The following LGI1 variants were observed in gnomAD, a reference collection of about 807,000 sequenced individuals.
LGI1 encodes leucine-rich glioma-inactivated protein 1.
In LGI1, 11 loss-of-function variants were observed where a neutral mutation model predicts 57.7. That is an observed-to-expected ratio of 0.19 (90% CI 0.12 to 0.32). LGI1 has a LOEUF of 0.32. LGI1 is among the 10% of genes least tolerant of loss of function. The pLI is 1.00. For synonymous variants in LGI1, 222 were observed against 241.9 expected (o/e 0.92, Z 0.76); for missense variants, 422 against 661.9 (o/e 0.64, Z 3.98).
rs886047485 is a variant in LGI1 at position 93,758,079 on chromosome 10, G to A, written c.-66G>A. On this transcript the variant is annotated 5_prime_UTR_variant, in exon 1 of 8. Transcript: ENST00000371418. The surrounding 1 kb of genome is among the most constrained non-coding windows in gnomAD (Gnocchi z 4.7). ...TGGACTCCTATGTGACCTGTTCTTA[G>A]AGCAAGACAATCACCATCTGAATTC... 1 of 1,447,876 alleles carries A rather than the reference G, an allele frequency of 6.9e-7. No individual in the cohort carries two copies. Among genetic ancestry groups the A allele is most frequent in the Non-Finnish European group, 9.7e-7 (1 of 1,033,352 alleles). 89.7% of individuals were successfully genotyped at this position (1,447,876 alleles called of 1,614,324 possible).
intron 4 of LGI1, chr10:93,789,292 A>G (rs2059916319): frequency 6.6e-6 from 1 of 152,240 alleles, no homozygotes; most frequent in Admixed American, 6.5e-5. Flanking sequence ...GCTAGAAAGG[A>G]AAAGGAGGCG....
intron 4 of LGI1, chr10:93,788,595 A>C (rs1231531868): frequency 2.6e-5 from 4 of 152,232 alleles, no homozygotes; most frequent in Non-Finnish European, 5.9e-5. Context: ...TCACTCCAAA[A>C]GCCATGCTCT....
Position 93,758,849 on chromosome 10 carries a change from C to T in LGI1, c.287+18C>T, listed in dbSNP as rs761232199. The T allele has an allele frequency of 3.9e-6, 6 of 1,557,984 alleles. No homozygotes were observed. The highest frequency in any genetic ancestry group is 5.3e-6 in the Non-Finnish European group (6 of 1,129,648). ...CAGCTCTTGTGAGAAATATTTATAT[C>T]ATGACTATTTTTAATATGGCATATA... On this transcript the variant is annotated intron_variant, in intron 2 of 7. Coordinates refer to ENST00000371418, the MANE Select transcript of LGI1 (RefSeq NM_005097.4). The surrounding 1 kb of genome is among the most constrained non-coding windows in gnomAD (Gnocchi z 4.7).
At chr10:93,781,406 T>C (rs1018036199) in intron 4 of LGI1, among the ~76,000 whole-genome samples, 3 of 151,784 alleles carry the variant, frequency 2.0e-5, no homozygotes, top group Non-Finnish European at 2.9e-5. Flanking sequence ...AAAGTTATTA[T>C]ATATACCTGG....
intron 7 of LGI1, chr10:93,793,826 ATGT>A (rs1447863193): frequency 3.1e-5 from 5 of 160,308 alleles, no homozygotes; most frequent in Non-Finnish European, 6.9e-5. Context: ...CAAAATGTTA[ATGT>A]ATGCCTTGTA....
At chr10:93,766,335 C>A (rs1366093253) in intron 2 of LGI1, among the ~76,000 whole-genome samples, 3 of 152,152 alleles carry the variant, frequency 2.0e-5, no homozygotes, top group Admixed American at 6.5e-5. Context: ...TAACTCTTGA[C>A]TTCACAGAGG....
rs970074671 is a variant in LGI1, at chr10:93,758,865, A to T, written c.287+34A>T. The T allele has an allele frequency of 1.1e-5, 15 of 1,416,824 alleles. No homozygotes were observed. The highest frequency in any genetic ancestry group is 1.5e-5 in the Non-Finnish European group (15 of 1,001,594). 87.8% of individuals were successfully genotyped at this position (1,416,824 alleles called of 1,614,324 possible). ...TATTTATATCATGACTATTTTTAAT[A>T]TGGCATATATTTGGATAAGCCTTCT... On this transcript the variant is annotated intron_variant, in intron 2 of 7. Transcript: ENST00000371418. The surrounding 1 kb of genome is among the most constrained non-coding windows in gnomAD (Gnocchi z 4.7).
chr10:93,758,067 G>T lies in LGI1; in HGVS notation c.-78G>T. ...AGAGGAAAAGGGTGGACTCCTATGT[G>T]ACCTGTTCTTAGAGCAAGACAATCA... is the stretch of plus-strand genomic sequence containing the variant. On this transcript the variant is annotated 5_prime_UTR_variant, in exon 1 of 8. It removes the in-frame stop codon of an upstream open reading frame in the 5' UTR. Coordinates refer to ENST00000371418, the MANE Select transcript of LGI1 (RefSeq NM_005097.4). This position sits in a 1 kb window ranked among gnomAD's most constrained non-coding sequence, Gnocchi z 4.7. 1.5e-6 allele frequency: 2 copies of T among 1,303,692 alleles called. No individual in the cohort carries two copies. Among genetic ancestry groups the T allele is most frequent in the South Asian group, 2.4e-5 (2 of 82,462 alleles). 80.8% of individuals were successfully genotyped at this position (1,303,692 alleles called of 1,614,324 possible). A position where few individuals can be genotyped will look rare whatever the true frequency, so the allele number is the denominator to read the frequency against.
chr10:93,766,715 G>C (rs2059683676), intron 2 of LGI1: 1 of 151,594 alleles, frequency 6.6e-6, no homozygotes, highest in Non-Finnish European at 1.5e-5. Flanking sequence ...CACCGTGTTA[G>C]CCAGGATGGT....
At chr10:93,783,347 G>C (rs2059865573) in intron 4 of LGI1, among the ~76,000 whole-genome samples, 1 of 152,196 alleles carries the variant, frequency 6.6e-6, no homozygotes, top group South Asian at 2.1e-4. Context: ...CTGCACTCCA[G>C]CTTGGGTGAC....
chr10:93,797,863 C>A lies in LGI1; in HGVS notation c.*60C>A, dbSNP rs905627593. On this transcript the variant is annotated 3_prime_UTR_variant, in exon 8 of 8. Coordinates refer to ENST00000371418, the MANE Select transcript of LGI1 (RefSeq NM_005097.4). This position sits in a 1 kb window ranked among gnomAD's most constrained non-coding sequence, Gnocchi z 6.5. ...CTACAGTACATGACCCGGATGAACT[C>A]AATGCATGATGACTCTTCTTATCAC... 9 of 1,123,190 alleles carry A rather than the reference C, an allele frequency of 8.0e-6. No homozygotes were observed. Among genetic ancestry groups the A allele is most frequent in the Non-Finnish European group, 1.2e-5 (9 of 746,192 alleles). 69.6% of individuals were successfully genotyped at this position (1,123,190 alleles called of 1,614,324 possible).
At chr10:93,794,362 C>CTTTTTTTTT (rs71031540) in intron 7 of LGI1, among the ~76,000 whole-genome samples, 1 of 101,196 alleles carries the variant, frequency 9.9e-6, no homozygotes, top group Non-Finnish European at 1.8e-5. Flanking sequence ...CTGGATCTCT[C>CTTTTTTTTT]TTTTTTTTTT....
At chr10:93,765,986 A>G (rs1015419631) in intron 2 of LGI1, among the ~76,000 whole-genome samples, 126 of 151,978 alleles carry the variant, frequency 8.3e-4, no homozygotes, top group African/African-American at 2.6e-3. Context: ...AAAAAAAAAA[A>G]AAAGAAATGG....
chr10:93,761,169 G>A (rs1156883047), intron 2 of LGI1, among the ~76,000 whole-genome samples: 1 of 152,194 alleles, frequency 6.6e-6, no homozygotes, highest in Non-Finnish European at 1.5e-5. Flanking sequence ...ATCCCACAGA[G>A]AAAGATCTCT....
intron 2 of LGI1, chr10:93,762,741 T>C (rs987379927): frequency 1.8e-4 from 20 of 109,446 alleles, no homozygotes; most frequent in African/African-American, 6.0e-4. Context: ...ACTTTTTAAT[T>C]AATTACTTCT....
intron 5 of LGI1, chr10:93,790,999 C>T (rs2059933383): frequency 6.6e-6 from 1 of 152,162 alleles, no homozygotes; most frequent in Non-Finnish European, 1.5e-5. Context: ...AATATATATT[C>T]AAAACAACTT....
chr10:93,772,340 A>G (rs2059749520), intron 2 of LGI1, among the ~76,000 whole-genome samples: 1 of 152,168 alleles, frequency 6.6e-6, no homozygotes, highest in Admixed American at 6.5e-5. Flanking sequence ...AACCTTCTAT[A>G]ATCTAATAAT....
intron 2 of LGI1, among the ~76,000 whole-genome samples, chr10:93,759,507 T>G (rs1462755863): frequency 6.6e-6 from 1 of 152,222 alleles, no homozygotes; most frequent in Admixed American, 6.5e-5. Context: ...AAATCAGATC[T>G]GTTCACAGGC....
At chr10:93,772,465 A>T (rs4919507) in intron 2 of LGI1, among the ~76,000 whole-genome samples, 74,913 of 151,942 alleles carry the variant, frequency 0.49, 19,270 homozygotes, top group Admixed American at 0.57. Context: ...ATTGGAATCG[A>T]TAATTTAAAA....
Sources: allele counts gnomAD v4.1 joint callset (sites outside exome capture counted in the v4.1 genomes callset), GRCh38; gene constraint gnomAD v4.1.1; non-coding constraint Gnocchi (gnomAD v3.1); transcripts MANE v1.5; gene names NCBI Gene and HGNC (gene_info 2026-07-23, HGNC 2026-07-21).